The following ADARB2 variants were observed in gnomAD, a reference collection of about 807,000 sequenced individuals.
The protein encoded by ADARB2 is inactive double-stranded RNA-specific editase B2.
A neutral mutation model predicts 62.2 loss-of-function variants in ADARB2; 25 were observed. The ratio of observed to expected loss-of-function variants is 0.40; its 90% CI spans 0.29 to 0.56. The LOEUF (loss-of-function observed/expected upper bound fraction) is 0.56, where lower values mean the gene tolerates loss of function less well. Among genes scored for constraint, ADARB2 ranks in the 20% least tolerant of loss-of-function variants. ADARB2 has a pLI of 0.43. For synonymous variants in ADARB2, 572 were observed against 500.8 expected (o/e 1.14, Z -1.90); for missense variants, 1,071 against 1,077.4 (o/e 0.99, Z 0.08).
chr10:1,666,566 C>G (rs1332770897), intron 1 of ADARB2, among the ~76,000 whole-genome samples: 1 of 152,236 alleles, frequency 6.6e-6, no homozygotes, highest in Non-Finnish European at 1.5e-5. Context: ...TCTGCCGCAT[C>G]TGGGGTATCC....
chr10:1,735,991 C>G (rs1399833190), intron 1 of ADARB2, among the ~76,000 whole-genome samples: 1 of 152,254 alleles, frequency 6.6e-6, no homozygotes, highest in African/African-American at 2.4e-5. Context: ...CAACCCCAAA[C>G]ACACCTAACG....
intron 1 of ADARB2, among the ~76,000 whole-genome samples, chr10:1,736,136 C>T (rs1835297567): frequency 6.6e-6 from 1 of 152,200 alleles, no homozygotes; most frequent in Non-Finnish European, 1.5e-5. Context: ...CTTTCTCCTG[C>T]AGGCTCACTA....
chr10:1,466,690 G>T (rs10903462), intron 1 of ADARB2, among the ~76,000 whole-genome samples: 1 of 151,912 alleles, frequency 6.6e-6, no homozygotes, highest in South Asian at 2.1e-4. Flanking sequence ...CCCACCCTTG[G>T]AATTCAGTAG....
At chr10:1,433,091 C>T (rs12415114) in intron 1 of ADARB2, among the ~76,000 whole-genome samples, 15,849 of 152,078 alleles carry the variant, frequency 0.1, 1,007 homozygotes, top group East Asian at 0.25. Flanking sequence ...ATGTCAACTC[C>T]GATGTAAGCT....
chr10:1,703,741 A>G (rs1208458536), intron 1 of ADARB2, among the ~76,000 whole-genome samples: 1 of 152,198 alleles, frequency 6.6e-6, no homozygotes, highest in Non-Finnish European at 1.5e-5. Context: ...CCCAATGGTC[A>G]TTGTATCTGG....
chr10:1,478,339 G>A lies in ADARB2; in HGVS notation c.101-99179C>T, dbSNP rs144846337. ...ACCTGGCGTTGGCACACGGCATGGA[G>A]GTTTCCATGGCTGGATATAAGTAGA... On this transcript the variant is annotated intron_variant, in intron 1 of 9. Transcript: ENST00000381312. 6.2e-3 allele frequency among the ~76,000 whole-genome samples: 945 copies of A among 152,316 alleles called. 12 individuals carry two copies. Among genetic ancestry groups the A allele is most frequent in the African/African-American group, 0.02 (820 of 41,570 alleles).
chr10:1,360,007 C>G (rs553780018), intron 3 of ADARB2, among the ~76,000 whole-genome samples: 53 of 152,378 alleles, frequency 3.5e-4, no homozygotes, highest in African/African-American at 1.2e-3. Flanking sequence ...TAGGAGCAAG[C>G]CTTTGGCGGA....
In ADARB2 at chr10:1,722,341, C is replaced by T. The variant is rs555754422; in HGVS notation, c.100+14710G>A. On this transcript the variant is annotated intron_variant, in intron 1 of 9. Coordinates refer to ENST00000381312, the MANE Select transcript of ADARB2 (RefSeq NM_018702.4). Reference sequence around the variant, plus strand: ...TACTGAGGTTAAAATAGAACATGCACATTTACCTGTGGCTTCAATTCCACT... The same window carrying T: ...TACTGAGGTTAAAATAGAACATGCATATTTACCTGTGGCTTCAATTCCACT... 5.2e-4 allele frequency among the ~76,000 whole-genome samples: 79 copies of T among 152,340 alleles called. 1 individual carries two copies. In the South Asian group the frequency reaches 7.5e-3, roughly 14 times the overall value.
chr10:1,656,767 CT>C (rs1285664604), intron 1 of ADARB2, among the ~76,000 whole-genome samples: 3 of 151,992 alleles, frequency 2.0e-5, no homozygotes, highest in East Asian at 1.9e-4. Context: ...GGTAATTAAT[CT>C]TTTTTTAATG....
chr10:1,424,755 GA>G (rs1832881041), intron 1 of ADARB2, among the ~76,000 whole-genome samples: 1 of 152,162 alleles, frequency 6.6e-6, no homozygotes, highest in Non-Finnish European at 1.5e-5. Flanking sequence ...CTCTGCTGCG[GA>G]AAGCATCTTT....
rs561249175 is a variant in ADARB2, at chr10:1,301,122, G to A, written c.1078-30053C>T. Among the ~76,000 whole-genome samples, 8 of 152,320 alleles carry A rather than the reference G, an allele frequency of 5.3e-5. No homozygotes were observed. In the South Asian group the frequency reaches 6.2e-4, roughly 12 times the overall value. Reference sequence around the variant, plus strand: ...TCTTGGTAAAATACTGAGGAATTACGGAACGCTTTCTTGTCTCTTCAGTTA... The same window carrying A: ...TCTTGGTAAAATACTGAGGAATTACAGAACGCTTTCTTGTCTCTTCAGTTA... On this transcript the variant is annotated intron_variant, in intron 3 of 9. Coordinates refer to ENST00000381312, the MANE Select transcript of ADARB2 (RefSeq NM_018702.4).
intron 1 of ADARB2, among the ~76,000 whole-genome samples, chr10:1,674,510 G>A (rs928608396): frequency 2.0e-5 from 3 of 152,214 alleles, no homozygotes; most frequent in Non-Finnish European, 4.4e-5. Flanking sequence ...AGCGTATACA[G>A]CCTAGCATGA....
At chr10:1,556,127 C>T (rs1482589477) in intron 1 of ADARB2, among the ~76,000 whole-genome samples, 5 of 152,032 alleles carry the variant, frequency 3.3e-5, no homozygotes, top group Admixed American at 3.3e-4. Context: ...GCTCAAGTGA[C>T]GAAATTCCCA....
At chr10:1,298,824 C>T (rs1216099169) in intron 3 of ADARB2, among the ~76,000 whole-genome samples, 2 of 137,002 alleles carry the variant, frequency 1.5e-5, no homozygotes, top group Non-Finnish European at 3.1e-5. Context: ...ACTGCAGCCT[C>T]CACCTCTGGG....
intron 1 of ADARB2, chr10:1,556,743 G>C: frequency 1.9e-6 from 1 of 534,498 alleles, no homozygotes; most frequent in South Asian, 1.4e-5. Flanking sequence ...AGTTGTGTGG[G>C]AGCCAGCCGG....
At chr10:1,403,537 A>C (rs1588245675) in intron 1 of ADARB2, among the ~76,000 whole-genome samples, 1 of 152,192 alleles carries the variant, frequency 6.6e-6, no homozygotes, top group Non-Finnish European at 1.5e-5. Context: ...AGAATGAACC[A>C]ACTTAGGCAG....
chr10:1,534,293 T>A (rs1002366529), intron 1 of ADARB2, among the ~76,000 whole-genome samples: 2 of 152,122 alleles, frequency 1.3e-5, no homozygotes, highest in African/African-American at 4.8e-5. Flanking sequence ...CCCACCACCA[T>A]GCCTGGCTAA....
chr10:1,677,569 C>T (rs1407327340), intron 1 of ADARB2, among the ~76,000 whole-genome samples: 2 of 152,154 alleles, frequency 1.3e-5, no homozygotes, highest in African/African-American at 4.8e-5. Flanking sequence ...GGACCCAAAG[C>T]CACATTCCTG....
chr10:1,678,249 G>A (rs1834491970), intron 1 of ADARB2: 2 of 985,104 alleles, frequency 2.0e-6, no homozygotes, highest in Non-Finnish European at 2.4e-6. Context: ...TGTCCTCGGG[G>A]TGAGCATCCT....
Sources: gnomAD v4.1 joint callset for allele counts (sites outside exome capture counted in the v4.1 genomes callset) on GRCh38, gnomAD v4.1.1 for gene constraint, MANE v1.5 for transcripts, NCBI Gene and HGNC (gene_info 2026-07-23, HGNC 2026-07-21) for gene names.